Variants in AMZ1 observed in about 807,000 individuals in gnomAD.
AMZ1 encodes archaelysin family metallopeptidase 1, also known as archaemetzincin-1.
In AMZ1, 39 loss-of-function variants were observed where a neutral mutation model predicts 29.9. The ratio of observed to expected loss-of-function variants is 1.30; its 90% CI spans 1.01 to 1.70. The LOEUF (loss-of-function observed/expected upper bound fraction) is 1.70. Ranked by LOEUF, AMZ1 falls within the 40% of genes most tolerant of loss-of-function variation. AMZ1 has a pLI of 0.00. For synonymous variants in AMZ1, 458 were observed against 304.0 expected, an observed-to-expected ratio of 1.51 and a Z score of -5.27; for missense variants, 1,041 against 680.6, an observed-to-expected ratio of 1.53 and a Z score of -5.89.
intron 6 of AMZ1, among the ~76,000 whole-genome samples, chr7:2,710,301 A>C (rs891711328): frequency 6.6e-6 from 1 of 152,216 alleles, no homozygotes; most frequent in African/African-American, 2.4e-5. Flanking sequence ...TTGCCGAGCA[A>C]AGGGCTCGTC....
intron 4 of AMZ1, among the ~76,000 whole-genome samples, chr7:2,747,661 T>C (rs1425891332): frequency 6.6e-6 from 1 of 152,180 alleles, no homozygotes; most frequent in Non-Finnish European, 1.5e-5. Flanking sequence ...GTGTTGGAAG[T>C]CCTAGGCAGG....
chr7:2,733,631 G>A (rs1470189547), intron 4 of AMZ1: 5 of 703,784 alleles, frequency 7.1e-6, no homozygotes, highest in Non-Finnish European at 1.3e-5. Flanking sequence ...AAGGAAAAAG[G>A]CAGAGAGTGT....
At chr7:2,709,601 A>C (rs758240199) in intron 5 of AMZ1, 39 bp from the exon 6 acceptor site, 2 of 1,592,028 alleles carry the variant, frequency 1.3e-6, no homozygotes, top group Non-Finnish European at 1.7e-6. Context: ...ATGCAGGGGC[A>C]AGGCAGTGAG....
Position 2,731,141 on chromosome 7 carries a change from G to T in AMZ1, n.550+21325G>T. On this transcript the variant is annotated intron_variant and non_coding_transcript_variant, in intron 4 of 4. Coordinates refer to the AMZ1 transcript ENST00000489665. This position sits in a 1 kb window ranked among gnomAD's most constrained non-coding sequence, Gnocchi z 6.0. ...ACCCAAGAGTCTGACCGACAGCCGTGGGGGCTGCTCAACGACGACAAACCC... is the reference window on the plus strand; with the variant it reads ...ACCCAAGAGTCTGACCGACAGCCGTTGGGGCTGCTCAACGACGACAAACCC... 1 of 1,389,062 alleles carries T rather than the reference G, an allele frequency of 7.2e-7. No individual in the cohort carries two copies. Among genetic ancestry groups the T allele is most frequent in the South Asian group, 1.2e-5 (1 of 80,318 alleles). 86.0% of individuals were successfully genotyped at this position (1,389,062 alleles called of 1,614,324 possible). A position where few individuals can be genotyped will look rare whatever the true frequency, so the allele number is the denominator to read the frequency against.
intron 4 of AMZ1, among the ~76,000 whole-genome samples, chr7:2,758,499 C>T (rs914761570): frequency 2.0e-5 from 3 of 152,070 alleles, no homozygotes; most frequent in African/African-American, 4.8e-5. Context: ...TCCCCTGCAG[C>T]GTGGGAGGAA....
rs936244400 is a variant in AMZ1, at chr7:2,718,477, G to A, written c.*5599G>A. ...TGGTCTGTGACCAGCGGGAATGAAT[G>A]GGGACGTGTTTTGTTCAGCCCTGAC... On this transcript the variant is annotated 3_prime_UTR_variant, in exon 7 of 7. Transcript: ENST00000683327. Among the ~76,000 whole-genome samples the A allele has an allele frequency of 6.6e-5, 10 of 152,226 alleles. No individual in the cohort carries two copies. The highest frequency in any genetic ancestry group is 2.4e-4 in the African/African-American group (10 of 41,454).
chr7:2,708,731 C>T lies in AMZ1; in HGVS notation c.601+15C>T, dbSNP rs1788532232. On this transcript the variant is annotated intron_variant, in intron 4 of 6. Coordinates refer to ENST00000683327, the MANE Select transcript of AMZ1 (RefSeq NM_001384743.1). ...TCCAGGGCACGGTGAGCCGGGGCCC[C>T]AGCAGCTGTGCGTGGGGGGTAGCCT... 1.2e-6 allele frequency: 2 copies of T among 1,611,992 alleles called. No individual in the cohort carries two copies. Among genetic ancestry groups the T allele is most frequent in the Non-Finnish European group, 1.7e-6 (2 of 1,179,972 alleles).
chr7:2,762,689 C>T (rs1232251415), upstream of AMZ1: 29 of 1,581,938 alleles, frequency 1.8e-5, no homozygotes, highest in Non-Finnish European at 2.5e-5. Context: ...AGAAACCACG[C>T]TGCCCGGGTG....
At chr7:2,720,219 G>A (rs1028254404), downstream of AMZ1, among the ~76,000 whole-genome samples, 5 of 152,228 alleles carry the variant, frequency 3.3e-5, no homozygotes, top group South Asian at 4.1e-4. Context: ...CTACCCACGC[G>A]GACGCCCATC....
At chr7:2,721,544 G>C (rs541364468), downstream of AMZ1, among the ~76,000 whole-genome samples, 1 of 152,058 alleles carries the variant, frequency 6.6e-6, no homozygotes, top group South Asian at 2.1e-4. Flanking sequence ...GTGAAGCCCT[G>C]TCTCTACTAA....
At chr7:2,748,642 A>C (rs1295145409) in intron 4 of AMZ1, among the ~76,000 whole-genome samples, 1 of 152,200 alleles carries the variant, frequency 6.6e-6, no homozygotes, top group Non-Finnish European at 1.5e-5. Context: ...ATGGCAACAA[A>C]AGCCAAAATT....
At chr7:2,758,173 A>T (rs1456515359) in intron 4 of AMZ1, among the ~76,000 whole-genome samples, 2 of 152,118 alleles carry the variant, frequency 1.3e-5, no homozygotes, top group South Asian at 2.1e-4. Context: ...AAAACTCAAC[A>T]TCTCCCCAAC....
chr7:2,719,808 G>A (rs1027158873), downstream of AMZ1, among the ~76,000 whole-genome samples: 2 of 151,690 alleles, frequency 1.3e-5, no homozygotes, highest in African/African-American at 2.4e-5. Flanking sequence ...AGCCTCCCAC[G>A]TAGATGGGAT....
intron 4 of AMZ1, among the ~76,000 whole-genome samples, chr7:2,739,303 C>T (rs2115319922): frequency 6.6e-6 from 1 of 152,314 alleles, no homozygotes; most frequent in Non-Finnish European, 1.5e-5. Context: ...CTGGCCCAGA[C>T]CCTGACAACA....
Position 2,717,330 on chromosome 7 carries a change from G to T in AMZ1, c.*4452G>T, listed in dbSNP as rs924215118. Among the ~76,000 whole-genome samples, 1 of 152,374 alleles carries T rather than the reference G, an allele frequency of 6.6e-6. No homozygotes were observed. The highest frequency in any genetic ancestry group is 6.5e-5 in the Admixed American group (1 of 15,300). On this transcript the variant is annotated 3_prime_UTR_variant, in exon 7 of 7. Transcript: ENST00000683327. ...GGGCTCATAGACCTGAACTGGGTCT[G>T]CCTGCCTGTGTGCTGGAAGCAAACG...
intron 1 of AMZ1, among the ~76,000 whole-genome samples, chr7:2,698,218 T>C (rs1787850462): frequency 6.6e-6 from 1 of 151,988 alleles, no homozygotes; most frequent in African/African-American, 2.4e-5. Flanking sequence ...AGAACCATTC[T>C]GTTAAAAAAA....
intron 1 of AMZ1, among the ~76,000 whole-genome samples, chr7:2,682,103 C>A (rs868756792): frequency 6.6e-6 from 1 of 152,190 alleles, no homozygotes; most frequent in Non-Finnish European, 1.5e-5. Context: ...GGGGACCCGA[C>A]GTGAATACTA....
intron 4 of AMZ1, among the ~76,000 whole-genome samples, chr7:2,746,709 A>C (rs971277121): frequency 1.3e-5 from 2 of 152,312 alleles, no homozygotes; most frequent in Non-Finnish European, 2.9e-5. Context: ...AAAACCCTTC[A>C]AAAAATTAAT....
At chr7:2,748,902 A>G (rs992207188) in intron 4 of AMZ1, among the ~76,000 whole-genome samples, 26 of 152,282 alleles carry the variant, frequency 1.7e-4, no homozygotes, top group Non-Finnish European at 3.4e-4. Context: ...CAAAAGACAC[A>G]TGAAAAAATG....
Sources: allele counts gnomAD v4.1 joint callset (sites outside exome capture counted in the v4.1 genomes callset), GRCh38; gene constraint gnomAD v4.1.1; non-coding constraint Gnocchi (gnomAD v3.1); transcripts MANE v1.5; gene names NCBI Gene and HGNC (gene_info 2026-07-23, HGNC 2026-07-21).